Variants in ITPR2 observed in about 807,000 individuals in gnomAD.
ITPR2 encodes inositol 1,4,5-trisphosphate-gated calcium channel ITPR2.
A neutral mutation model predicts 317.1 loss-of-function variants in ITPR2; 207 were observed. That is an observed-to-expected ratio of 0.65 (90% CI 0.58 to 0.73). The LOEUF is 0.73. Among genes scored for constraint, ITPR2 ranks in the 30% least tolerant of loss-of-function variants. The pLI is 0.00. For missense variants in ITPR2, 2,613 were observed against 3,284.0 expected (o/e 0.80, Z 4.99); for synonymous variants, 1,156 against 1,149.1 (o/e 1.01, Z -0.12).
At chr12:26,346,413 A>G (rs1167462812) in intron 55 of ITPR2, among the ~76,000 whole-genome samples, 1 of 152,202 alleles carries the variant, frequency 6.6e-6, no homozygotes, top group Non-Finnish European at 1.5e-5. Flanking sequence ...ACCTGAGGTC[A>G]GGAGTTCGAG....
intron 45 of ITPR2, among the ~76,000 whole-genome samples, chr12:26,459,110 G>A (rs1399875777): frequency 6.6e-6 from 1 of 152,188 alleles, no homozygotes; most frequent in Non-Finnish European, 1.5e-5. Flanking sequence ...GCTGTGCTAA[G>A]GGGAAACACA....
chr12:26,336,244 G>T lies in ITPR2; in HGVS notation c.*3153C>A, dbSNP rs781419128. On this transcript the variant is annotated 3_prime_UTR_variant, in exon 57 of 57. Transcript: ENST00000381340. ...GCCTCCCCACTCATTCTCAGTCCTG[G>T]GGACTGGGGGCTAGTGGCTGAGTGT... 6.6e-6 allele frequency among the ~76,000 whole-genome samples: 1 copy of T among 152,120 alleles called. No homozygotes were observed. Among genetic ancestry groups the T allele is most frequent in the Non-Finnish European group, 1.5e-5 (1 of 68,032 alleles).
Position 26,600,029 on chromosome 12 carries a change from T to C in ITPR2, c.3759A>G (p.Gln1253=), listed in dbSNP as rs185780611. 265 of 1,607,282 alleles carry C rather than the reference T, an allele frequency of 1.6e-4. No individual in the cohort carries two copies. Among genetic ancestry groups the C allele is most frequent in the Middle Eastern group, 8.3e-4 (5 of 6,018 alleles). The change falls in exon 29 of 57, where the codon CAA becomes CAG. Residue 1253 remains glutamine, a synonymous_variant. Transcript: ENST00000381340. ...QNFCRGNPQN[Q]VLLHKHLNLF... ...AATTCAGATGTTTATGAAGAAGAAC[T>C]TGATTCTGTGGATTTCCTCGACAGA...
chr12:26,733,953 A>T (rs957655659), intron 2 of ITPR2, among the ~76,000 whole-genome samples: 2 of 152,208 alleles, frequency 1.3e-5, no homozygotes, highest in East Asian at 1.9e-4. Context: ...TTTTTTACAT[A>T]TATTTATGTT....
At chr12:26,615,912 A>C (rs967720586) in intron 26 of ITPR2, among the ~76,000 whole-genome samples, 1 of 152,102 alleles carries the variant, frequency 6.6e-6, no homozygotes, top group South Asian at 2.1e-4. Context: ...TTGATTTGCC[A>C]GTCATCTATT....
chr12:26,640,478 T>G (rs534810909), intron 21 of ITPR2, among the ~76,000 whole-genome samples: 1 of 152,302 alleles, frequency 6.6e-6, no homozygotes, highest in East Asian at 1.9e-4. Flanking sequence ...TAAATTCATT[T>G]CACTCAATAA....
At chr12:26,421,250 C>T (rs984215449) in intron 49 of ITPR2, 2 of 152,080 alleles carry the variant, frequency 1.3e-5, no homozygotes, top group African/African-American at 4.8e-5. Context: ...AAAGATTTGC[C>T]TTCTTTGTTT....
At chr12:26,583,105 C>A (rs541206409) in intron 32 of ITPR2, among the ~76,000 whole-genome samples, 1 of 152,260 alleles carries the variant, frequency 6.6e-6, no homozygotes, top group East Asian at 1.9e-4. Context: ...TCTCCTATCC[C>A]TTCTTAAATC....
intron 45 of ITPR2, among the ~76,000 whole-genome samples, chr12:26,461,627 AATATATAT>A (rs754482854): frequency 0.016 from 783 of 48,592 alleles, 5 homozygotes; most frequent in African/African-American, 0.036. Context: ...AAAGCATATA[AATATATAT>A]ATATATATAT....
chr12:26,343,978 C>T (rs1355767430), intron 55 of ITPR2, among the ~76,000 whole-genome samples: 13 of 152,022 alleles, frequency 8.6e-5, no homozygotes, highest in South Asian at 2.1e-4. Flanking sequence ...TTAAGATGTG[C>T]GACCTTTAAG....
At chr12:26,589,853 T>TATATATAC (rs780511857) in intron 32 of ITPR2, among the ~76,000 whole-genome samples, 26 of 57,316 alleles carry the variant, frequency 4.5e-4, no homozygotes, top group East Asian at 3.8e-3. Flanking sequence ...TATATATATA[T>TATATATAC]ACACACACAC....
At chr12:26,588,619 C>T (rs905637953) in intron 32 of ITPR2, among the ~76,000 whole-genome samples, 1 of 152,126 alleles carries the variant, frequency 6.6e-6, no homozygotes, top group Non-Finnish European at 1.5e-5. Context: ...CAACCTCTTA[C>T]ATATTTATTT....
rs772702197 is a variant in ITPR2 at position 26,715,780 on chromosome 12, C to T, written c.680G>A (p.Ser227Asn). 2 of 1,608,648 alleles carry T rather than the reference C, an allele frequency of 1.2e-6. No homozygotes were observed. The highest frequency in any genetic ancestry group is 2.7e-5 in the African/African-American group (2 of 74,900). ...SWKITLFMKY[S>N]SYREDVLKGG... ...TTTTAATACATCCTCTCGATAGGAA[C>T]TATATTTCATGAATAAAGTGATTTT... is the stretch of plus-strand genomic sequence containing the variant. Residue 227 changes from serine to asparagine, a missense_variant, in exon 7 of 57, where the codon AGT (serine) becomes AAT (asparagine). Around this residue, in one of 9 missense-constraint regions of ITPR2, gnomAD observed 515 missense variants for 789.4 expected, o/e 0.65. Transcript: ENST00000381340.
chr12:26,451,411 A>C (rs1451218235), intron 45 of ITPR2, among the ~76,000 whole-genome samples: 1 of 151,158 alleles, frequency 6.6e-6, no homozygotes, highest in Admixed American at 6.6e-5. Flanking sequence ...ACACACACGG[A>C]AAGTAAGGAA....
intron 45 of ITPR2, among the ~76,000 whole-genome samples, chr12:26,449,280 C>G (rs1941683478): frequency 6.6e-6 from 1 of 152,044 alleles, no homozygotes; most frequent in Admixed American, 6.6e-5. Context: ...CAATACAATG[C>G]CTTCATGTCA....
intron 24 of ITPR2, among the ~76,000 whole-genome samples, chr12:26,623,062 C>T (rs1388904621): frequency 2.0e-5 from 3 of 152,130 alleles, no homozygotes; most frequent in Admixed American, 2.0e-4. Flanking sequence ...TTTTGTGCCC[C>T]TAATTCTTGA....
chr12:26,443,579 G>A lies in ITPR2; in HGVS notation c.6414C>T (p.Ala2138=). Residue 2138 remains alanine (A), a synonymous_variant, in exon 46 of 57, where the codon GCC becomes GCT. Transcript: ENST00000381340. The part of the protein sequence containing the change: ...PGSDPDEGDE[A]LKYYANHTAQ... ...CAGTGTGGTTGGCATAATACTTTAA[G>A]GCTTCATCTCCTTCATCTGGATCCG... 2.5e-6 allele frequency: 4 copies of A among 1,613,022 alleles called. No homozygotes were observed. Among genetic ancestry groups the A allele is most frequent in the Non-Finnish European group, 3.4e-6 (4 of 1,179,172 alleles).
At chr12:26,777,943 C>G (rs866645164) in intron 2 of ITPR2, among the ~76,000 whole-genome samples, 1 of 152,322 alleles carries the variant, frequency 6.6e-6, no homozygotes. Flanking sequence ...TGGCTCTGAG[C>G]TGACATTGAT....
chr12:26,734,917 C>G (rs1220415275), intron 2 of ITPR2, among the ~76,000 whole-genome samples: 1 of 151,322 alleles, frequency 6.6e-6, no homozygotes, highest in Non-Finnish European at 1.5e-5. Flanking sequence ...CAAAAAGCAT[C>G]TACAGATAAT....
Sources: gnomAD v4.1 joint callset for allele counts (sites outside exome capture counted in the v4.1 genomes callset) on GRCh38, gnomAD v4.1.1 for gene constraint, gnomAD v4.1.1 regional missense constraint, MANE v1.5 for transcripts, NCBI Gene and HGNC (gene_info 2026-07-23, HGNC 2026-07-21) for gene names.